The following CENPW variants were observed in gnomAD, a reference collection of about 807,000 sequenced individuals.
CENPW encodes the protein cancer-up-regulated gene 2 protein.
In CENPW, 3 loss-of-function variants were observed where a neutral mutation model predicts 11.1. That is an observed-to-expected ratio of 0.27 (90% CI 0.12 to 0.70). CENPW has a LOEUF of 0.70. Ranked by LOEUF, CENPW falls within the 30% of genes least tolerant of loss-of-function variation. CENPW has a pLI of 0.77. For missense variants in CENPW, 100 were observed against 105.6 expected (o/e 0.95, Z 0.23); for synonymous variants, 38 against 42.0 (o/e 0.91, Z 0.37).
the CENPW span, among the ~76,000 whole-genome samples, chr6:126,394,684 G>A: frequency 2.0e-5 from 3 of 151,930 alleles, no homozygotes; most frequent in East Asian, 1.9e-4. Flanking sequence ...CTTCAGATTG[G>A]AGAACTTCCT....
At chr6:126,431,511 C>T in the CENPW span, among the ~76,000 whole-genome samples, 1 of 152,130 alleles carries the variant, frequency 6.6e-6, no homozygotes, top group Non-Finnish European at 1.5e-5. Context: ...AGAGTGTTTA[C>T]ATTTTCAAGT....
At chr6:126,483,253 T>A in the CENPW span, among the ~76,000 whole-genome samples, 1 of 151,894 alleles carries the variant, frequency 6.6e-6, no homozygotes, top group Non-Finnish European at 1.5e-5. Context: ...TATATTTTTT[T>A]CTGGCTTTAT....
the CENPW span, among the ~76,000 whole-genome samples, chr6:126,446,139 TA>T: frequency 2.6e-5 from 4 of 151,176 alleles, no homozygotes; most frequent in Non-Finnish European, 5.9e-5. Flanking sequence ...AATTCACCTG[TA>T]AAATATAGTT....
At chr6:126,404,832 A>G in the CENPW span, among the ~76,000 whole-genome samples, 1 of 138,700 alleles carries the variant, frequency 7.2e-6, no homozygotes, top group Non-Finnish European at 1.6e-5. Flanking sequence ...TCATTGACCC[A>G]TTTTTTAGTT....
the CENPW span, among the ~76,000 whole-genome samples, chr6:126,420,123 T>G: frequency 7.2e-5 from 11 of 152,108 alleles, no homozygotes; most frequent in African/African-American, 2.7e-4. Flanking sequence ...ACAGGAATAT[T>G]TAAGCTGAGA....
the CENPW span, among the ~76,000 whole-genome samples, chr6:126,383,817 T>C: frequency 1.3e-5 from 2 of 152,208 alleles, no homozygotes; most frequent in Non-Finnish European, 2.9e-5. Context: ...TCCTAGACAG[T>C]AATACTGGGA....
the CENPW span, among the ~76,000 whole-genome samples, chr6:126,377,557 A>C: frequency 6.6e-6 from 1 of 152,210 alleles, no homozygotes; most frequent in Non-Finnish European, 1.5e-5. Flanking sequence ...AGAAGGTGAT[A>C]GTTAAATGCC....
At chr6:126,468,417 T>C in the CENPW span, among the ~76,000 whole-genome samples, 2 of 35,630 alleles carry the variant, frequency 5.6e-5, no homozygotes, top group Non-Finnish European at 9.6e-5. Context: ...CTAAACTCTG[T>C]CTCAAAAAAA....
At chr6:126,378,646 CAG>C in the CENPW span, among the ~76,000 whole-genome samples, 1 of 152,050 alleles carries the variant, frequency 6.6e-6, no homozygotes, top group Non-Finnish European at 1.5e-5. Flanking sequence ...GTTCATAAAA[CAG>C]GGAATGGTAA....
chr6:126,464,294 G>A, the CENPW span, among the ~76,000 whole-genome samples: 6 of 152,094 alleles, frequency 3.9e-5, no homozygotes, highest in African/African-American at 1.2e-4. Flanking sequence ...AAAACTCTCA[G>A]TAAAGTCAGA....
Position 126,340,131 on chromosome 6 carries a change from A to C in CENPW, c.-143A>C. On this transcript the variant is annotated 5_prime_UTR_variant, in exon 1 of 3. Coordinates refer to ENST00000368328, the MANE Select transcript of CENPW (RefSeq NM_001012507.4). ...GCCGGGCGCGTTCCGTTGGCGGCGG[A>C]TTCGAACGTTCGGACTGAGGTTTTT... 2 of 772,996 alleles carry C rather than the reference A, an allele frequency of 2.6e-6. No individual in the cohort carries two copies. The highest frequency in any genetic ancestry group is 2.5e-5 in the East Asian group (1 of 39,988). The allele number at this position is 772,996 out of a possible 1,614,324, so 47.9% of individuals were successfully genotyped here.
the CENPW span, among the ~76,000 whole-genome samples, chr6:126,407,527 T>G: frequency 1.3e-4 from 20 of 152,204 alleles, no homozygotes; most frequent in Non-Finnish European, 2.4e-4. Flanking sequence ...CCAAAATGGT[T>G]GAATTAATTT....
the CENPW span, among the ~76,000 whole-genome samples, chr6:126,429,072 T>A: frequency 6.6e-6 from 1 of 152,294 alleles, no homozygotes; most frequent in East Asian, 1.9e-4. Context: ...TTTAACCTGT[T>A]TCTCATTATT....
At chr6:126,403,376 C>G in the CENPW span, among the ~76,000 whole-genome samples, 2 of 152,040 alleles carry the variant, frequency 1.3e-5, no homozygotes, top group East Asian at 3.9e-4. Flanking sequence ...CACTAAATAG[C>G]CAAATTGTGA....
At chr6:126,405,737 T>C in the CENPW span, among the ~76,000 whole-genome samples, 1 of 152,158 alleles carries the variant, frequency 6.6e-6, no homozygotes, top group South Asian at 2.1e-4. Flanking sequence ...TGTCTGTTAC[T>C]AAGTTATTTT....
the CENPW span, among the ~76,000 whole-genome samples, chr6:126,362,800 A>C: frequency 6.6e-6 from 1 of 152,144 alleles, no homozygotes; most frequent in Non-Finnish European, 1.5e-5. Flanking sequence ...AATTTCTTTT[A>C]AAATTGTACT....
chr6:126,420,004 G>T, the CENPW span, among the ~76,000 whole-genome samples: 1 of 152,160 alleles, frequency 6.6e-6, no homozygotes, highest in African/African-American at 2.4e-5. Context: ...GGAGGACCAG[G>T]ATTCTGCCTA....
At chr6:126,396,330 C>G in the CENPW span, among the ~76,000 whole-genome samples, 1 of 152,172 alleles carries the variant, frequency 6.6e-6, no homozygotes. Flanking sequence ...ACCACCACCA[C>G]CTCCTCAGGC....
At chr6:126,382,583 A>T in the CENPW span, among the ~76,000 whole-genome samples, 1 of 152,176 alleles carries the variant, frequency 6.6e-6, no homozygotes, top group African/African-American at 2.4e-5. Flanking sequence ...AATAGCCAGT[A>T]TGGAAAAGAA....
Sources: allele counts gnomAD v4.1 joint callset (sites outside exome capture counted in the v4.1 genomes callset), GRCh38; gene constraint gnomAD v4.1.1; transcripts MANE v1.5; gene names NCBI Gene and HGNC (gene_info 2026-07-23, HGNC 2026-07-21).